ZFHX3: variants seen among roughly 807,000 people sequenced by gnomAD.
The protein encoded by ZFHX3 is zinc finger homeobox 3, also known as zinc finger homeobox protein 3.
A neutral mutation model predicts 279.1 loss-of-function variants in ZFHX3; 42 were observed. That is an observed-to-expected ratio of 0.15 (90% CI 0.12 to 0.19). ZFHX3 has a LOEUF of 0.19. ZFHX3 is among the 10% of genes least tolerant of loss of function. ZFHX3 has a pLI of 1.00. For missense variants in ZFHX3, 4,981 were observed against 4,754.0 expected (o/e 1.05, Z -1.40); for synonymous variants, 2,293 against 1,957.8 (o/e 1.17, Z -4.52).
chr16:72,996,664 G>A (rs574648591), intron 1 of ZFHX3, among the ~76,000 whole-genome samples: 11 of 152,360 alleles, frequency 7.2e-5, no homozygotes, highest in Admixed American at 6.5e-4. Flanking sequence ...GCAACTCCTT[G>A]CATTACCAGG....
At chr16:73,261,184 T>G (rs1436601995) in intron 4 of ZFHX3, among the ~76,000 whole-genome samples, 3 of 152,212 alleles carry the variant, frequency 2.0e-5, no homozygotes, top group African/African-American at 7.2e-5. Flanking sequence ...TGGAATATTA[T>G]GTATCCATAA....
At chr16:72,921,199 C>T (rs552886944) in intron 3 of ZFHX3, among the ~76,000 whole-genome samples, 29 of 152,242 alleles carry the variant, frequency 1.9e-4, no homozygotes, top group Admixed American at 1.7e-3. Flanking sequence ...CCCTGCTCTC[C>T]CTCTCCCGCC....
chr16:73,740,832 G>T (rs2142259540), intron 1 of ZFHX3, among the ~76,000 whole-genome samples: 1 of 152,220 alleles, frequency 6.6e-6, no homozygotes, highest in Non-Finnish European at 1.5e-5. Context: ...ATTATGGAAT[G>T]CAAGAGAGTT....
At chr16:73,831,412 C>T (rs1036750242) in intron 1 of ZFHX3, among the ~76,000 whole-genome samples, 1 of 152,096 alleles carries the variant, frequency 6.6e-6, no homozygotes, top group Admixed American at 6.5e-5. Flanking sequence ...TTAGTGCTAT[C>T]GTTTATTAGA....
intron 2 of ZFHX3, among the ~76,000 whole-genome samples, chr16:73,485,736 C>A (rs2018962307): frequency 6.6e-6 from 1 of 152,180 alleles, no homozygotes; most frequent in African/African-American, 2.4e-5. Flanking sequence ...ACTGCCCTAC[C>A]ATGTGACACA....
chr16:73,658,323 T>A (rs2052743274), intron 2 of ZFHX3, among the ~76,000 whole-genome samples: 1 of 152,200 alleles, frequency 6.6e-6, no homozygotes, highest in South Asian at 2.1e-4. Flanking sequence ...GAACTTTTTT[T>A]TAAATGGGGT....
intron 1 of ZFHX3, among the ~76,000 whole-genome samples, chr16:73,787,477 G>A (rs1959682330): frequency 6.6e-6 from 1 of 152,120 alleles, no homozygotes; most frequent in South Asian, 2.1e-4. Context: ...GATGTTCCAT[G>A]GCCTGGCATG....
chr16:73,021,081 C>T (rs1964282302), intron 1 of ZFHX3, among the ~76,000 whole-genome samples: 1 of 152,226 alleles, frequency 6.6e-6, no homozygotes, highest in African/African-American at 2.4e-5. Flanking sequence ...CCGATGTCCT[C>T]AGACAGACTT....
At chr16:73,485,443 A>C (rs1364900032) in intron 2 of ZFHX3, among the ~76,000 whole-genome samples, 2 of 152,064 alleles carry the variant, frequency 1.3e-5, no homozygotes, top group Admixed American at 6.6e-5. Context: ...AAAAAAAAAA[A>C]AAAACTTTCT....
chr16:73,424,962 G>T (rs1027284538), intron 3 of ZFHX3, among the ~76,000 whole-genome samples: 18 of 152,102 alleles, frequency 1.2e-4, no homozygotes, highest in African/African-American at 4.1e-4. Context: ...AGCAGGACAT[G>T]CCCATGAGGG....
In ZFHX3 at chr16:72,980,860, C is replaced by T. The variant is rs573401937; in HGVS notation, c.-49-20666G>A. Reference sequence around the variant, plus strand: ...ATATTTCAGCAACGGACAAAAAAGACGGAACAAATCTAGCCAAAAGTTCAT... The same window carrying T: ...ATATTTCAGCAACGGACAAAAAAGATGGAACAAATCTAGCCAAAAGTTCAT... On this transcript the variant is annotated intron_variant, in intron 1 of 9. Coordinates refer to ENST00000268489, the MANE Select transcript of ZFHX3 (RefSeq NM_006885.4). Among the ~76,000 whole-genome samples the T allele has an allele frequency of 9.2e-5, 14 of 152,208 alleles. No individual in the cohort carries two copies. The South Asian group carries it at 1.2e-3, about 14-fold the overall frequency.
At chr16:73,008,557 T>C (rs1963796823) in intron 1 of ZFHX3, among the ~76,000 whole-genome samples, 1 of 152,198 alleles carries the variant, frequency 6.6e-6, no homozygotes, top group Non-Finnish European at 1.5e-5. Flanking sequence ...CCATTGGTCC[T>C]GGGGCACTGA....
intron 5 of ZFHX3, among the ~76,000 whole-genome samples, chr16:73,231,185 G>A (rs1215341560): frequency 6.6e-6 from 1 of 152,214 alleles, no homozygotes; most frequent in African/African-American, 2.4e-5. Context: ...ACAGGTGCAT[G>A]CCCAGCATCA....
At chr16:72,888,781 T>C (rs990233395) in intron 4 of ZFHX3, among the ~76,000 whole-genome samples, 8 of 151,694 alleles carry the variant, frequency 5.3e-5, no homozygotes, top group African/African-American at 1.9e-4. Context: ...CTCCCAAGAG[T>C]GGCTTGGTGA....
At chr16:72,873,218 A>G (rs2038210140) in intron 4 of ZFHX3, among the ~76,000 whole-genome samples, 2 of 152,122 alleles carry the variant, frequency 1.3e-5, no homozygotes, top group African/African-American at 4.8e-5. Flanking sequence ...ATATTCCCTC[A>G]CAGCAACCAG....
intron 8 of ZFHX3, among the ~76,000 whole-genome samples, chr16:73,079,974 T>G (rs973424334): frequency 1.8e-4 from 28 of 152,234 alleles, no homozygotes; most frequent in African/African-American, 6.7e-4. Context: ...GCAGACAACC[T>G]TTTCCTGTCC....
At chr16:73,549,598 T>C (rs2020172783) in intron 2 of ZFHX3, among the ~76,000 whole-genome samples, 1 of 152,248 alleles carries the variant, frequency 6.6e-6, no homozygotes, top group Admixed American at 6.5e-5. Flanking sequence ...ATCAGTATTA[T>C]GTTGTTGGTT....
At chr16:73,134,443 G>A (rs1380860354) in intron 6 of ZFHX3, 1 of 140,936 alleles carries the variant, frequency 7.1e-6, no homozygotes, top group Non-Finnish European at 1.5e-5. Flanking sequence ...TGATCCTTCT[G>A]CCTCAGCCTC....
At chr16:73,553,662 A>G (rs570111766) in intron 2 of ZFHX3, among the ~76,000 whole-genome samples, 1 of 152,280 alleles carries the variant, frequency 6.6e-6, no homozygotes, top group Non-Finnish European at 1.5e-5. Context: ...GGTCATGTTA[A>G]TCTGTTAATG....
Sources: allele counts gnomAD v4.1 joint callset (sites outside exome capture counted in the v4.1 genomes callset), GRCh38; gene constraint gnomAD v4.1.1; transcripts MANE v1.5; gene names NCBI Gene and HGNC (gene_info 2026-07-23, HGNC 2026-07-21).